Variants in NYNRIN observed in about 807,000 individuals in gnomAD.
The protein encoded by NYNRIN is protein NYNRIN.
Under a neutral mutation model 146.6 loss-of-function variants are expected in NYNRIN, and 86 were observed. The observed-to-expected ratio is 0.59, with a 90% CI of 0.49 to 0.70. NYNRIN has a LOEUF of 0.70. NYNRIN is among the 30% of genes least tolerant of loss of function. The probability of loss-of-function intolerance (pLI) is 0.00; values close to 1 mark genes in which losing one functional copy is unlikely to be tolerated. For missense variants in NYNRIN, 2,191 were observed against 2,377.7 expected, an observed-to-expected ratio of 0.92 and a Z score of 1.63; for synonymous variants, 1,027 against 1,001.3, an observed-to-expected ratio of 1.03 and a Z score of -0.48.
intron 7 of NYNRIN, 71 bp from the exon 8 acceptor site, chr14:24,413,245 G>A: frequency 6.8e-7 from 1 of 1,473,598 alleles, no homozygotes; most frequent in Non-Finnish European, 9.3e-7. Flanking sequence ...CCATGGAGAA[G>A]CCAGGCGACA....
chr14:24,416,482 A>ATGTGAAAGATTACTGCAGGAGC lies in NYNRIN; in HGVS notation c.4736_4757dup (p.Leu1587GlufsTer24). 6.2e-7 allele frequency: 1 copy of ATGTGAAAGATTACTGCAGGAGC among 1,613,498 alleles called. No homozygotes were observed. Among genetic ancestry groups the ATGTGAAAGATTACTGCAGGAGC allele is most frequent in the Non-Finnish European group, 8.5e-7 (1 of 1,179,672 alleles). On this transcript the variant is annotated frameshift_variant, in exon 9 of 9. Transcript: ENST00000382554. LOFTEE classifies it high-confidence loss of function. ...GGGTGGTGGCCTGGGATGCAGGAGC[A>ATGTGAAAGATTACTGCAGGAGC]TGTGAAAGATTACTGCAGGAGCTGC...
chr14:24,414,018 G>A (rs530781874), intron 8 of NYNRIN, among the ~76,000 whole-genome samples: 1 of 152,310 alleles, frequency 6.6e-6, no homozygotes, highest in East Asian at 1.9e-4. Context: ...AGGTCACATT[G>A]CTGGTGCCAG....
chr14:24,411,400 C>G lies in NYNRIN; in HGVS notation c.2592C>G (p.Ile864Met), dbSNP rs1470352390. ...TKLHSLKMLS[I>M]TPSQLENGKK... ...TACACTCGCTCAAGATGCTTTCAAT[C>G]ACACCCTCCCAGCTTGAGAATGGCA... Residue 864 changes from isoleucine to methionine, a missense_variant, in exon 6 of 9, where the codon ATC (isoleucine) becomes ATG (methionine). By Grantham distance (10) the Ile-to-Met change is conservative (BLOSUM62 1). Coordinates refer to ENST00000382554, the MANE Select transcript of NYNRIN (RefSeq NM_025081.3). The surrounding 1 kb of genome is among the most constrained non-coding windows in gnomAD (Gnocchi z 4.3). 14 of 1,613,998 alleles carry G rather than the reference C, an allele frequency of 8.7e-6. No homozygotes were observed. The highest frequency in any genetic ancestry group is 1.6e-4 in the Middle Eastern group (1 of 6,062).
chr14:24,412,925 T>G (rs1427485122), intron 6 of NYNRIN, 72 bp from the exon 7 acceptor site: 1 of 1,020,402 alleles, frequency 9.8e-7, no homozygotes, highest in Non-Finnish European at 1.5e-6. Context: ...GCTGCAAGTT[T>G]ATTTTCCCAG....
rs181738235 is a variant in NYNRIN, at chr14:24,408,431, G to A, written c.761G>A (p.Gly254Asp). The A allele has an allele frequency of 1.2e-6, 2 of 1,613,244 alleles. No individual in the cohort carries two copies. The highest frequency in any genetic ancestry group is 1.3e-5 in the African/African-American group (1 of 74,982). ...GACATGGGGACCCTCCAGAACAGGG[G>A]CCCAGAAAATTCAAAGAGATTATCT... is the stretch of plus-strand genomic sequence containing the variant. ...FVDMGTLQNR[G>D]PENSKRLSSL... is the part of the protein sequence containing the mutation. Residue 254 changes from glycine to aspartate, a missense_variant, in exon 3 of 9, where the codon GGC becomes GAC. Gly to Asp is a moderately conservative substitution (Grantham distance 94). This residue lies in a region of NYNRIN where 895 missense variants were observed against 941.2 expected (regional missense o/e 0.95). Transcript: ENST00000382554.
At chr14:24,413,826 C>T (rs1360757406) in intron 8 of NYNRIN, among the ~76,000 whole-genome samples, 1 of 152,212 alleles carries the variant, frequency 6.6e-6, no homozygotes, top group East Asian at 1.9e-4. Context: ...GGGTCCGAGG[C>T]TGCAGTGAAC....
At chr14:24,401,124 C>G (rs1193314872) in intron 2 of NYNRIN, among the ~76,000 whole-genome samples, 1 of 152,196 alleles carries the variant, frequency 6.6e-6, no homozygotes, top group South Asian at 2.1e-4. Context: ...CCGCCACCCC[C>G]TCCTTGCTCA....
intron 3 of NYNRIN, 35 bp from the exon 4 acceptor site, chr14:24,408,617 C>A: frequency 6.4e-7 from 1 of 1,557,924 alleles, no homozygotes. Context: ...CCAAACTGGC[C>A]TTCCACCTTT....
In NYNRIN at chr14:24,409,485, C is replaced by G. The variant is rs370185858; in HGVS notation, c.1691C>G (p.Pro564Arg). The G allele has an allele frequency of 6.2e-7, 1 of 1,613,800 alleles. No individual in the cohort carries two copies. The highest frequency in any genetic ancestry group is 1.7e-5 in the Admixed American group (1 of 59,998). The change falls in exon 4 of 9, where the codon CCA becomes CGA. Residue 564 changes from proline to arginine, a missense_variant. Around this residue, in one of 3 missense-constraint regions of NYNRIN, gnomAD observed 895 missense variants for 941.2 expected, o/e 0.95. Coordinates refer to ENST00000382554, the MANE Select transcript of NYNRIN (RefSeq NM_025081.3). ...KAENPSRTQV[P>R]SAAPKLPTSR... is the part of the protein sequence containing the mutation. ...GAAAATCCCTCCAGAACTCAAGTGCCATCTGCAGCTCCCAAACTGCCTACA... is the reference window on the plus strand; with the variant it reads ...GAAAATCCCTCCAGAACTCAAGTGCGATCTGCAGCTCCCAAACTGCCTACA...
In NYNRIN at chr14:24,408,652, G is replaced by T; in HGVS notation, c.858G>T (p.Arg286=). ...TTCAATGAACTTGGGCTTCCTCCAG[G>T]GTCGGTTCCAACAACCAAGATGGTA... The part of the protein sequence containing the change: ...TPQEAANQLV[R]VGSNNQDGMD... Residue 286 remains arginine, a splice_region_variant and synonymous_variant, in exon 4 of 9, where the codon CGG becomes CGT. Transcript: ENST00000382554. 1 of 1,595,088 alleles carries T rather than the reference G, an allele frequency of 6.3e-7. No individual in the cohort carries two copies. The highest frequency in any genetic ancestry group is 8.5e-7 in the Non-Finnish European group (1 of 1,171,388).
At chr14:24,407,719 A>G in intron 2 of NYNRIN, 150 bp from the exon 3 acceptor site, 2 of 664,012 alleles carry the variant, frequency 3.0e-6, no homozygotes, top group Non-Finnish European at 5.1e-6. Context: ...GTGGCTGGCC[A>G]TGGGGGAGTC....
rs1163697902 is a variant in NYNRIN, at chr14:24,411,276, G to A, written c.2545+70G>A. On this transcript the variant is annotated intron_variant, in intron 5 of 8. Transcript: ENST00000382554. The surrounding 1 kb of genome is among the most constrained non-coding windows in gnomAD (Gnocchi z 4.3). ...TTTCTTCTCTCTGCCTTGCTGCCCC[G>A]ACCCTCTGCCACCCCAGAGTGGCCA... The A allele has an allele frequency of 2.7e-5, 43 of 1,612,092 alleles. No homozygotes were observed. The highest frequency in any genetic ancestry group is 3.4e-5 in the Non-Finnish European group (40 of 1,178,780).
chr14:24,416,693 A>T lies in NYNRIN; in HGVS notation c.4944A>T (p.Ala1648=), dbSNP rs1297156026. ...ACCCAAACACCAGGTGGGTGGAGGC[A>T]TTCCCCCTGAAGCCCTACACACACA... ...VADPNTRWVE[A]FPLKPYTHTA... The change falls in exon 9 of 9, where the codon GCA becomes GCT. Residue 1648 remains alanine, a synonymous_variant. Coordinates refer to ENST00000382554, the MANE Select transcript of NYNRIN (RefSeq NM_025081.3). 1.2e-6 allele frequency: 2 copies of T among 1,613,772 alleles called. No individual in the cohort carries two copies. The highest frequency in any genetic ancestry group is 1.7e-6 in the Non-Finnish European group (2 of 1,179,858).
rs377464149 is a variant in NYNRIN, at chr14:24,410,300, C to T, written c.2414+92C>T. On this transcript the variant is annotated intron_variant, in intron 4 of 8. Transcript: ENST00000382554. ...ACAGAATGTGGGCATCCCTTCCCAA[C>T]CTTCCTATGGGCGACATGGGGAAGA... The T allele has an allele frequency of 7.9e-5, 83 of 1,052,350 alleles. No homozygotes were observed. In the African/African-American group the frequency reaches 1.2e-3, roughly 15 times the overall value. 65.2% of individuals were successfully genotyped at this position (1,052,350 alleles called of 1,614,324 possible). A position where few individuals can be genotyped will look rare whatever the true frequency, so the allele number is the denominator to read the frequency against.
At chr14:24,405,679 C>G (rs2042871731) in intron 2 of NYNRIN, among the ~76,000 whole-genome samples, 1 of 152,212 alleles carries the variant, frequency 6.6e-6, no homozygotes, top group Non-Finnish European at 1.5e-5. Flanking sequence ...AGCCTACTAA[C>G]TGTGTGATCT....
intron 6 of NYNRIN, among the ~76,000 whole-genome samples, chr14:24,412,270 G>A (rs148738087): frequency 6.6e-6 from 1 of 152,300 alleles, no homozygotes; most frequent in Non-Finnish European, 1.5e-5. Flanking sequence ...ATGGAAGATG[G>A]CTTTTCCGCA....
rs1419809321 is a variant in NYNRIN, at chr14:24,417,344, C to T, written c.5595C>T (p.Gly1865=). ...GCCTGTCACTCTATAGGATATGGGG[C>T]TTCCCAACCCCAGAGAAGCTGGGGT... The part of the protein sequence containing the change: ...RLSLSLYRIW[G]FPTPEKLGCI... The change falls in exon 9 of 9, where the codon GGC becomes GGT. Residue 1865 remains glycine (G), a synonymous_variant. Coordinates refer to ENST00000382554, the MANE Select transcript of NYNRIN (RefSeq NM_025081.3). 1.9e-6 allele frequency: 3 copies of T among 1,604,226 alleles called. No individual in the cohort carries two copies. The highest frequency in any genetic ancestry group is 1.7e-5 in the Admixed American group (1 of 58,404).
In NYNRIN at chr14:24,399,005, A is replaced by T; in HGVS notation, c.-99A>T. ...CCGACCGGTCCCACCCCTAGCTACA[A>T]CCCCGGGCAGGAAGAGCTCGTCGCG... On this transcript the variant is annotated 5_prime_UTR_variant, in exon 1 of 9. Coordinates refer to ENST00000382554, the MANE Select transcript of NYNRIN (RefSeq NM_025081.3). 1 of 482,318 alleles carries T rather than the reference A, an allele frequency of 2.1e-6. No homozygotes were observed. 29.9% of individuals were successfully genotyped at this position (482,318 alleles called of 1,614,324 possible).
Position 24,408,251 on chromosome 14 carries a change from G to A in NYNRIN, c.581G>A (p.Arg194Gln), listed in dbSNP as rs539374112. The A allele has an allele frequency of 9.3e-6, 15 of 1,609,488 alleles. No homozygotes were observed. Among genetic ancestry groups the A allele is most frequent in the East Asian group, 8.9e-5 (4 of 44,850 alleles). Reference protein sequence around the residue: ...AVQELLLSLVRDAAGKEDIIE... With the variant: ...AVQELLLSLVQDAAGKEDIIE... ...CAGGAGCTGCTGCTGAGCCTGGTGC[G>A]GGATGCTGCGGGCAAGGAAGACATC... The change falls in exon 3 of 9, where the codon CGG becomes CAG. Residue 194 changes from arginine (R) to glutamine (Q), a missense_variant. This residue lies in a region of NYNRIN where 895 missense variants were observed against 941.2 expected (regional missense o/e 0.95). Coordinates refer to ENST00000382554, the MANE Select transcript of NYNRIN (RefSeq NM_025081.3).
Sources: gnomAD v4.1 joint callset for allele counts (sites outside exome capture counted in the v4.1 genomes callset) on GRCh38, gnomAD v4.1.1 for gene constraint, gnomAD v4.1.1 regional missense constraint, Gnocchi (gnomAD v3.1) non-coding constraint, MANE v1.5 for transcripts, NCBI Gene and HGNC (gene_info 2026-07-23, HGNC 2026-07-21) for gene names.